WWOX: variants seen among roughly 807,000 people sequenced by gnomAD.
WWOX encodes the protein WW domain containing oxidoreductase.
A neutral mutation model predicts 46.2 loss-of-function variants in WWOX; 69 were observed. The observed-to-expected ratio is 1.49, with a 90% CI of 1.23 to 1.82. WWOX has a LOEUF of 1.82. WWOX is among the 40% of genes most tolerant of loss of function. The pLI, the probability that WWOX is intolerant of heterozygous loss-of-function variation, is 0.00. For synonymous variants in WWOX, 359 were observed against 202.6 expected, an observed-to-expected ratio of 1.77 and a Z score of -6.56; for missense variants, 919 against 542.6, an observed-to-expected ratio of 1.69 and a Z score of -6.89.
chr16:78,745,734 C>T (rs1371585107), intron 8 of WWOX, among the ~76,000 whole-genome samples: 2 of 151,296 alleles, frequency 1.3e-5, no homozygotes, highest in African/African-American at 2.4e-5. Flanking sequence ...TCTTTTCCTC[C>T]TCCTTCTCCT....
chr16:78,400,897 C>T (rs1375281546), intron 6 of WWOX, among the ~76,000 whole-genome samples: 1 of 152,248 alleles, frequency 6.6e-6, no homozygotes, highest in African/African-American at 2.4e-5. Context: ...GATCACAGCT[C>T]ACTATGGCCT....
chr16:78,735,331 C>T (rs2049062383), intron 8 of WWOX, among the ~76,000 whole-genome samples: 1 of 151,552 alleles, frequency 6.6e-6, no homozygotes, highest in Admixed American at 6.6e-5. Flanking sequence ...TCTATCAATC[C>T]ATTGGTCATC....
chr16:78,708,431 G>T (rs1264524282), intron 8 of WWOX, among the ~76,000 whole-genome samples: 6 of 152,140 alleles, frequency 3.9e-5, no homozygotes, highest in Non-Finnish European at 7.4e-5. Flanking sequence ...CTGCCCTGCT[G>T]TGTCACAGGG....
chr16:79,079,952 A>ATTAAG (rs58825029), intron 8 of WWOX, among the ~76,000 whole-genome samples: 106,292 of 151,658 alleles, frequency 0.7, 38,670 homozygotes, highest in African/African-American at 0.9. Flanking sequence ...TGGGATGCTG[A>ATTAAG]TTAAGATTTC....
In WWOX at chr16:78,183,083, G is replaced by A. The variant is rs1327357126; in HGVS notation, c.516+18794G>A. Among the ~76,000 whole-genome samples, 7 of 152,140 alleles carry A rather than the reference G, an allele frequency of 4.6e-5. No individual in the cohort carries two copies. The East Asian group carries it at 1.4e-3, about 29-fold the overall frequency. ...TAGTGCATTGATTGTTTGCCTGTAGGTCTCCTTATTTAGTCAACAAGCATG... is the reference window on the plus strand; with the variant it reads ...TAGTGCATTGATTGTTTGCCTGTAGATCTCCTTATTTAGTCAACAAGCATG... On this transcript the variant is annotated intron_variant, in intron 5 of 8. Transcript: ENST00000566780.
intron 8 of WWOX, among the ~76,000 whole-genome samples, chr16:79,033,511 C>T (rs907701201): frequency 6.6e-6 from 1 of 152,018 alleles, no homozygotes; most frequent in African/African-American, 2.4e-5. Flanking sequence ...GTGGAAGGTA[C>T]AGGGATTTTC....
chr16:78,217,457 A>G (rs1597364579), intron 5 of WWOX, among the ~76,000 whole-genome samples: 1 of 152,168 alleles, frequency 6.6e-6, no homozygotes, highest in Non-Finnish European at 1.5e-5. Context: ...GTGCCAAATA[A>G]TCGTATGAAG....
At position 78,376,697 on chromosome 16, in the gene WWOX, C is replaced by G. The variant is rs868700123; in HGVS notation, c.517-10163C>G. ...GACCTCTGCCCCCTGGATGCCAGTTCACTTTCCAACAAGTTGCAACAAGCA... is the reference window on the plus strand; with the variant it reads ...GACCTCTGCCCCCTGGATGCCAGTTGACTTTCCAACAAGTTGCAACAAGCA... On this transcript the variant is annotated intron_variant, in intron 5 of 8. Coordinates refer to ENST00000566780, the MANE Select transcript of WWOX (RefSeq NM_016373.4). 2.7e-4 allele frequency among the ~76,000 whole-genome samples: 41 copies of G among 152,118 alleles called. 1 individual carries two copies. Among genetic ancestry groups the G allele is most frequent in the Non-Finnish European group, 1.8e-4 (12 of 68,036 alleles).
intron 5 of WWOX, among the ~76,000 whole-genome samples, chr16:78,277,286 T>A (rs1430427091): frequency 6.6e-6 from 1 of 152,204 alleles, no homozygotes; most frequent in Non-Finnish European, 1.5e-5. Context: ...TTCTGTAGAT[T>A]TTTGGCCAGG....
At chr16:78,112,107 C>T (rs73562788) in intron 3 of WWOX, 3,097 of 152,286 alleles carry the variant, frequency 0.02, 122 homozygotes, top group African/African-American at 0.071. Context: ...TACAATCCCT[C>T]GTCTCTGCAC....
intron 5 of WWOX, among the ~76,000 whole-genome samples, chr16:78,347,525 G>A (rs577289689): frequency 1.7e-5 from 2 of 117,910 alleles, no homozygotes; most frequent in Non-Finnish European, 4.0e-5. Context: ...CCTCTTGCAT[G>A]TTCCTGAGCT....
At chr16:78,553,805 C>A (rs1038028202) in intron 8 of WWOX, among the ~76,000 whole-genome samples, 1 of 151,782 alleles carries the variant, frequency 6.6e-6, no homozygotes, top group Non-Finnish European at 1.5e-5. Context: ...TCCTGCAGAC[C>A]CCCCTGGTGG....
intron 8 of WWOX, among the ~76,000 whole-genome samples, chr16:78,599,630 C>G (rs778966096): frequency 6.6e-6 from 1 of 152,174 alleles, no homozygotes; most frequent in Non-Finnish European, 1.5e-5. Flanking sequence ...CCAGGCCTGC[C>G]AATCAACATT....
At chr16:78,407,534 C>G (rs1461921909) in intron 6 of WWOX, among the ~76,000 whole-genome samples, 1 of 152,134 alleles carries the variant, frequency 6.6e-6, no homozygotes, top group African/African-American at 2.4e-5. Flanking sequence ...GTAACTCAAC[C>G]CCATGGTGGT....
chr16:78,910,915 T>G (rs775393464), intron 8 of WWOX, among the ~76,000 whole-genome samples: 8 of 152,122 alleles, frequency 5.3e-5, no homozygotes, highest in Admixed American at 2.0e-4. Flanking sequence ...GTTATGCATA[T>G]GTTGATCAGC....
rs1235531660 is a variant in WWOX, at chr16:79,212,147, C to T, written c.*351C>T. 3.3e-6 allele frequency: 5 copies of T among 1,514,600 alleles called. 1 individual carries two copies. In the South Asian group the frequency reaches 4.9e-5, roughly 15 times the overall value. 93.8% of individuals were successfully genotyped at this position (1,514,600 alleles called of 1,614,324 possible). On this transcript the variant is annotated 3_prime_UTR_variant, in exon 9 of 9. Transcript: ENST00000566780. ...TAGAATAGCCTGAGGTCCCCTCGTC[C>T]CATCCAGCTACCACCACGGCCACCA... is the stretch of plus-strand genomic sequence containing the variant.
chr16:78,921,833 C>T (rs936882089), intron 8 of WWOX, among the ~76,000 whole-genome samples: 8 of 152,196 alleles, frequency 5.3e-5, no homozygotes, highest in African/African-American at 1.9e-4. Context: ...GGTCCTCAAA[C>T]CCATCCTCAT....
chr16:78,771,456 C>A (rs921193682), intron 8 of WWOX, among the ~76,000 whole-genome samples: 1 of 152,094 alleles, frequency 6.6e-6, no homozygotes, highest in Non-Finnish European at 1.5e-5. Context: ...GTAATTAATG[C>A]CACGGAATTG....
chr16:78,863,782 T>C (rs562549876), intron 8 of WWOX, among the ~76,000 whole-genome samples: 81 of 152,320 alleles, frequency 5.3e-4, no homozygotes, highest in Non-Finnish European at 9.8e-4. Flanking sequence ...AAACAAACTA[T>C]CACAGGCATA....
Sources: gnomAD v4.1 joint callset for allele counts (sites outside exome capture counted in the v4.1 genomes callset) on GRCh38, gnomAD v4.1.1 for gene constraint, MANE v1.5 for transcripts, NCBI Gene and HGNC (gene_info 2026-07-23, HGNC 2026-07-21) for gene names.